EIF4G3: variants seen among roughly 807,000 people sequenced by gnomAD.
The protein encoded by EIF4G3 is eukaryotic translation initiation factor 4 gamma 3.
In EIF4G3, 34 loss-of-function variants were observed where a neutral mutation model predicts 186.4. The ratio of observed to expected loss-of-function variants is 0.18; its 90% CI spans 0.14 to 0.24. EIF4G3 has a LOEUF of 0.24. Ranked by LOEUF, EIF4G3 falls within the 10% of genes least tolerant of loss-of-function variation. The pLI is 1.00. For missense variants in EIF4G3, 1,536 were observed against 1,948.5 expected (o/e 0.79, Z 3.99); for synonymous variants, 673 against 679.5 (o/e 0.99, Z 0.15).
chr1:20,978,780 G>T (rs74061347), intron 10 of EIF4G3, among the ~76,000 whole-genome samples: 13,632 of 151,816 alleles, frequency 0.09, 863 homozygotes, highest in East Asian at 0.26. Context: ...TAAGTGAAGG[G>T]TATTGCGTAT....
intron 2 of EIF4G3, among the ~76,000 whole-genome samples, chr1:21,171,865 C>T (rs1012642453): frequency 6.6e-6 from 1 of 152,050 alleles, no homozygotes; most frequent in African/African-American, 2.4e-5. Flanking sequence ...AAATCAGGTA[C>T]ACTTCTCAAT....
At chr1:21,030,943 T>G (rs1342346466) in intron 4 of EIF4G3, among the ~76,000 whole-genome samples, 1 of 152,118 alleles carries the variant, frequency 6.6e-6, no homozygotes, top group Non-Finnish European at 1.5e-5. Context: ...CCCAGCAATT[T>G]GGGAGGCTGA....
In EIF4G3 at chr1:20,968,897, G is replaced by C. The variant is rs527538830; in HGVS notation, c.714+577C>G. On this transcript the variant is annotated intron_variant, in intron 12 of 36. Coordinates refer to ENST00000602326, the MANE Select transcript of EIF4G3 (RefSeq NM_001391906.1). ...AACAACCACGAATTTTGGTACTGTG[G>C]AGGGGGCATCTTTGAACAAATCCCC... Among the ~76,000 whole-genome samples, 16 of 152,224 alleles carry C rather than the reference G, an allele frequency of 1.1e-4. No individual in the cohort carries two copies. The East Asian group carries it at 2.9e-3, about 28-fold the overall frequency.
At chr1:21,094,537 C>T (rs1243779312) in intron 2 of EIF4G3, among the ~76,000 whole-genome samples, 1 of 149,994 alleles carries the variant, frequency 6.7e-6, no homozygotes. Context: ...AACCAAACAC[C>T]ACATGTTCTC....
chr1:21,026,426 A>G (rs542148210), intron 4 of EIF4G3, among the ~76,000 whole-genome samples: 3 of 152,264 alleles, frequency 2.0e-5, no homozygotes, highest in Non-Finnish European at 2.9e-5. Context: ...GTAAGAGCTA[A>G]AAGTAAAAAA....
At chr1:20,829,399 C>A in intron 30 of EIF4G3, 127 bp from the exon 31 acceptor site, 1 of 1,030,398 alleles carries the variant, frequency 9.7e-7, no homozygotes, top group South Asian at 1.5e-5. Flanking sequence ...AGTCTAGCCA[C>A]AAAGTGACTG....
chr1:20,855,422 T>A (rs919917077), intron 25 of EIF4G3, among the ~76,000 whole-genome samples: 2 of 152,184 alleles, frequency 1.3e-5, no homozygotes, highest in Admixed American at 1.3e-4. Context: ...ATACAAATAC[T>A]ACAAAATTAA....
intron 4 of EIF4G3, among the ~76,000 whole-genome samples, chr1:21,034,624 T>C (rs2154572184): frequency 6.6e-6 from 1 of 152,304 alleles, no homozygotes. Flanking sequence ...ACTATCTTAG[T>C]GATTGCAGTG....
chr1:20,988,070 C>G (rs1262847328), intron 7 of EIF4G3, among the ~76,000 whole-genome samples: 1 of 152,148 alleles, frequency 6.6e-6, no homozygotes, highest in African/African-American at 2.4e-5. Context: ...AAATGTAATC[C>G]AAAGCAAAGT....
intron 14 of EIF4G3, among the ~76,000 whole-genome samples, chr1:20,924,997 A>G (rs1310080867): frequency 1.3e-5 from 2 of 152,248 alleles, no homozygotes; most frequent in Non-Finnish European, 2.9e-5. Context: ...AAAAACTGAA[A>G]AAGTCTTGTC....
chr1:20,882,161 CA>C (rs1319743761), intron 19 of EIF4G3, among the ~76,000 whole-genome samples: 2 of 134,356 alleles, frequency 1.5e-5, no homozygotes, highest in Non-Finnish European at 3.2e-5. Context: ...ACCCTGTCTC[CA>C]AAAAAAGAAA....
intron 4 of EIF4G3, among the ~76,000 whole-genome samples, chr1:21,041,095 T>A (rs539588894): frequency 3.8e-4 from 58 of 152,322 alleles, no homozygotes; most frequent in African/African-American, 1.4e-3. Context: ...CCTTTAAATT[T>A]AATTCGACTA....
intron 4 of EIF4G3, among the ~76,000 whole-genome samples, chr1:21,050,622 T>C (rs2094155923): frequency 6.6e-6 from 1 of 152,234 alleles, no homozygotes; most frequent in South Asian, 2.1e-4. Context: ...CTCTAACTTC[T>C]TAAACAATGA....
chr1:20,946,147 A>T (rs1452311030), intron 13 of EIF4G3, among the ~76,000 whole-genome samples: 2 of 152,200 alleles, frequency 1.3e-5, no homozygotes, highest in Non-Finnish European at 2.9e-5. Flanking sequence ...TTTGAGGTAC[A>T]GTCTCACTTG....
chr1:20,954,521 T>G, intron 12 of EIF4G3, among the ~76,000 whole-genome samples: 1 of 106,294 alleles, frequency 9.4e-6, no homozygotes, highest in Non-Finnish European at 1.7e-5. Flanking sequence ...GGCGAGAGAG[T>G]CAGACCCCGT....
At chr1:21,036,427 GAA>G (rs1299574005) in intron 4 of EIF4G3, among the ~76,000 whole-genome samples, 1 of 152,158 alleles carries the variant, frequency 6.6e-6, no homozygotes, top group East Asian at 1.9e-4. Flanking sequence ...TTTCTGGCCA[GAA>G]AAGTGACACC....
chr1:20,958,686 A>G (rs1446089221), intron 12 of EIF4G3, among the ~76,000 whole-genome samples: 2 of 152,158 alleles, frequency 1.3e-5, no homozygotes, highest in African/African-American at 2.4e-5. Context: ...GATTTGATAA[A>G]TGAGTTCAGT....
At chr1:20,983,557 G>C (rs1441802082) in intron 7 of EIF4G3, among the ~76,000 whole-genome samples, 1 of 148,588 alleles carries the variant, frequency 6.7e-6, no homozygotes, top group Non-Finnish European at 1.5e-5. Flanking sequence ...ACAAACTTAA[G>C]TATTTTTATA....
intron 14 of EIF4G3, among the ~76,000 whole-genome samples, chr1:20,905,869 G>C (rs1351777177): frequency 2.0e-5 from 3 of 152,068 alleles, no homozygotes. Flanking sequence ...TAAACACAAA[G>C]CTAAAGGGTA....
Sources: allele counts gnomAD v4.1 joint callset (sites outside exome capture counted in the v4.1 genomes callset), GRCh38; gene constraint gnomAD v4.1.1; transcripts MANE v1.5; gene names NCBI Gene and HGNC (gene_info 2026-07-23, HGNC 2026-07-21).